The following TVP23C variants were observed in gnomAD, a reference collection of about 807,000 sequenced individuals.
TVP23C encodes the protein Golgi apparatus membrane protein TVP23 homolog C.
In TVP23C, 19 loss-of-function variants were observed where a neutral mutation model predicts 28.7. That is an observed-to-expected ratio of 0.66 (90% CI 0.46 to 0.97). The LOEUF (loss-of-function observed/expected upper bound fraction) is 0.97. Ranked by LOEUF, TVP23C falls within the 50% of genes least tolerant of loss-of-function variation. TVP23C has a pLI of 0.00. For missense variants in TVP23C, 186 were observed against 241.3 expected (o/e 0.77, Z 1.52); for synonymous variants, 68 against 81.7 (o/e 0.83, Z 0.90).
intron 5 of TVP23C, among the ~76,000 whole-genome samples, chr17:15,524,059 G>T (rs1163219305): frequency 7.4e-6 from 1 of 135,696 alleles, no homozygotes; most frequent in Non-Finnish European, 1.5e-5. Flanking sequence ...TTGTAGCAGA[G>T]TGGGGTGTGT....
At chr17:15,515,810 G>T (rs887031216) in intron 5 of TVP23C, among the ~76,000 whole-genome samples, 4 of 152,108 alleles carry the variant, frequency 2.6e-5, no homozygotes, top group African/African-American at 9.7e-5. Context: ...ATGGAGTTTG[G>T]ATCTGTGTCC....
intron 5 of TVP23C, among the ~76,000 whole-genome samples, chr17:15,510,735 A>C (rs1981963454): frequency 6.6e-6 from 1 of 152,212 alleles, no homozygotes; most frequent in African/African-American, 2.4e-5. Context: ...CAAACAGAAA[A>C]GCAGTTATCA....
chr17:15,545,827 T>C lies in TVP23C; in HGVS notation c.420A>G (p.Ile140Met). The C allele has an allele frequency of 6.2e-7, 1 of 1,614,076 alleles. No individual in the cohort carries two copies. Among genetic ancestry groups the C allele is most frequent in the Non-Finnish European group, 8.5e-7 (1 of 1,179,986 alleles). ...AGGAGAAGAGTGCACTAAAGGCAAA[T>C]ATCACCCACAGTACTGAACAGGCAA... ...GLIACSVLWV[I>M]FAFSALFSFT... Residue 140 changes from isoleucine to methionine, a missense_variant, in exon 5 of 6, where the codon ATA becomes ATG. This residue lies in a region of TVP23C where 74 missense variants were observed against 96.0 expected (regional missense o/e 0.77). Coordinates refer to ENST00000518321, the MANE Select transcript of TVP23C (RefSeq NM_001135036.2).
chr17:15,547,568 C>G (rs569762480), intron 3 of TVP23C, among the ~76,000 whole-genome samples: 67 of 152,196 alleles, frequency 4.4e-4, no homozygotes, highest in Non-Finnish European at 7.1e-4. Context: ...CTCAAGTGTA[C>G]CAAGCTCTTT....
chr17:15,544,709 G>C (rs576612205), intron 5 of TVP23C, among the ~76,000 whole-genome samples: 3 of 152,242 alleles, frequency 2.0e-5, no homozygotes, highest in South Asian at 4.1e-4. Flanking sequence ...ATTCATGAAA[G>C]AGGGTAATGA....
chr17:15,540,136 A>T lies in TVP23C; in HGVS notation c.*276T>A. 8.0e-7 allele frequency: 1 copy of T among 1,249,874 alleles called. No individual in the cohort carries two copies. The highest frequency in any genetic ancestry group is 1.0e-6 in the Non-Finnish European group (1 of 997,186). 77.4% of individuals were successfully genotyped at this position (1,249,874 alleles called of 1,614,324 possible). ...CATACAACATACATTCTGCAAGGGC[A>T]TTCACTTAAAGCTCCCATAATTGAT... On this transcript the variant is annotated 3_prime_UTR_variant, in exon 6 of 6. Transcript: ENST00000518321.
chr17:15,534,524 T>C (rs905045684), downstream of TVP23C, among the ~76,000 whole-genome samples: 7 of 150,450 alleles, frequency 4.7e-5, no homozygotes, highest in East Asian at 3.9e-4. Flanking sequence ...AAGAGTTATA[T>C]AGATTTAAAA....
chr17:15,528,227 G>T (rs1982806438), intron 5 of TVP23C, among the ~76,000 whole-genome samples: 1 of 152,118 alleles, frequency 6.6e-6, no homozygotes, highest in Non-Finnish European at 1.5e-5. Flanking sequence ...AAAAAAATAA[G>T]TGTTTACTGT....
chr17:15,502,802 TCTCTCTC>T (rs1235417597), exon 6 of TVP23C: 83 of 1,450,344 alleles, frequency 5.7e-5, no homozygotes, highest in Middle Eastern at 2.2e-4. Context: ...TCCTCTCTCC[TCTCTCTC>T]CTCTCTCTCT....
Position 15,545,837 on chromosome 17 carries a change from A to G in TVP23C, c.410T>C (p.Leu137Pro). The change falls in exon 5 of 6, where the codon CTG becomes CCG. Residue 137 changes from leucine to proline, a missense_variant. Coordinates refer to ENST00000518321, the MANE Select transcript of TVP23C (RefSeq NM_001135036.2). ...TGCACTAAAGGCAAATATCACCCAC[A>G]GTACTGAACAGGCAATAAGTCCCAA... is the stretch of plus-strand genomic sequence containing the variant. The part of the protein sequence containing the change: ...FWLGLIACSV[L>P]WVIFAFSALF... 8 of 1,614,178 alleles carry G rather than the reference A, an allele frequency of 5.0e-6. No homozygotes were observed. The highest frequency in any genetic ancestry group is 5.9e-6 in the Non-Finnish European group (7 of 1,180,000).
chr17:15,548,770 A>T (rs1395012368), intron 3 of TVP23C, among the ~76,000 whole-genome samples: 1 of 152,210 alleles, frequency 6.6e-6, no homozygotes, highest in Non-Finnish European at 1.5e-5. Context: ...AGATGCCTCA[A>T]ATTGTGGTTA....
intron 5 of TVP23C, chr17:15,507,358 T>TCTTTATCTTAAC (rs1981801851): frequency 4.2e-6 from 3 of 718,688 alleles, no homozygotes; most frequent in Non-Finnish European, 7.6e-6. Context: ...CTAATAAGTT[T>TCTTTATCTTAAC]CACTTACGCT....
intron 5 of TVP23C, among the ~76,000 whole-genome samples, chr17:15,525,900 T>G (rs2150839003): frequency 1.3e-5 from 2 of 152,310 alleles, no homozygotes; most frequent in South Asian, 4.1e-4. Flanking sequence ...AACCCTCAGT[T>G]TCCTCATCTG....
In TVP23C at chr17:15,539,198, A is replaced by G. The variant is rs1983294375; in HGVS notation, c.*1214T>C. 1.0e-6 allele frequency: 1 copy of G among 967,550 alleles called. No homozygotes were observed. 59.9% of individuals were successfully genotyped at this position (967,550 alleles called of 1,614,324 possible). A position where few individuals can be genotyped will look rare whatever the true frequency, so the allele number is the denominator to read the frequency against. On this transcript the variant is annotated 3_prime_UTR_variant, in exon 6 of 6. Transcript: ENST00000518321. ...AAGGAGTCTGGAGGTGGAACCCAGC[A>G]ATCTTGTGCCCTCTAGGTGATTCTC...
chr17:15,561,369 C>T (rs945778247), intron 1 of TVP23C, among the ~76,000 whole-genome samples: 3 of 152,048 alleles, frequency 2.0e-5, no homozygotes, highest in Non-Finnish European at 2.9e-5. Flanking sequence ...AAGGCCGAGG[C>T]GGGTGGATAA....
exon 6 of TVP23C, chr17:15,502,678 T>C (rs1981500265): frequency 1.9e-6 from 2 of 1,037,822 alleles, no homozygotes. Flanking sequence ...CTTTTCCCCT[T>C]AGTTTTACAA....
At chr17:15,506,197 T>C (rs1981731905) in intron 5 of TVP23C, among the ~76,000 whole-genome samples, 3 of 152,232 alleles carry the variant, frequency 2.0e-5, no homozygotes, top group South Asian at 4.1e-4. Context: ...AGCTCAGGGA[T>C]TGTAAATACA....
intron 3 of TVP23C, among the ~76,000 whole-genome samples, chr17:15,552,661 G>A (rs1459986048): frequency 2.0e-5 from 3 of 151,672 alleles, no homozygotes; most frequent in African/African-American, 7.3e-5. Context: ...TCCAGCCTGG[G>A]CAACAAAAGT....
chr17:15,547,201 T>G, intron 3 of TVP23C, 53 bp from the exon 4 acceptor site: 1 of 1,612,950 alleles, frequency 6.2e-7, no homozygotes, highest in Non-Finnish European at 8.5e-7. Flanking sequence ...TTTAAAGATC[T>G]GTCACAAGCT....
Sources: gnomAD v4.1 joint callset for allele counts (sites outside exome capture counted in the v4.1 genomes callset) on GRCh38, gnomAD v4.1.1 for gene constraint, gnomAD v4.1.1 regional missense constraint, MANE v1.5 for transcripts, NCBI Gene and HGNC (gene_info 2026-07-23, HGNC 2026-07-21) for gene names.